Variants in KDM5B observed in about 807,000 individuals in gnomAD.
The protein encoded by KDM5B is lysine-specific demethylase 5B.
KDM5B carries 144 observed loss-of-function variants against 193.4 expected under a neutral mutation model. The observed-to-expected ratio is 0.74, with a 90% CI of 0.65 to 0.86. The LOEUF is 0.86. KDM5B is among the 40% of genes least tolerant of loss of function. The pLI, the probability that KDM5B is intolerant of heterozygous loss-of-function variation, is 0.00. For synonymous variants in KDM5B, 668 were observed against 682.6 expected, an observed-to-expected ratio of 0.98 and a Z score of 0.33; for missense variants, 1,833 against 1,886.9, an observed-to-expected ratio of 0.97 and a Z score of 0.53.
intron 18 of KDM5B, 143 bp from the exon 19 acceptor site, chr1:202,741,865 CAACT>C: frequency 1.7e-6 from 1 of 602,108 alleles, no homozygotes; most frequent in Non-Finnish European, 2.9e-6. Flanking sequence ...ACACATAAGC[CAACT>C]AACAGCAAAT....
At chr1:202,801,234 T>C (rs548672348) in intron 1 of KDM5B, among the ~76,000 whole-genome samples, 1 of 149,622 alleles carries the variant, frequency 6.7e-6, no homozygotes, top group African/African-American at 2.4e-5. Flanking sequence ...ACAAAATGAT[T>C]AGTTTTTATA....
intron 14 of KDM5B, chr1:202,746,578 C>T (rs1655569656): frequency 2.9e-6 from 1 of 343,408 alleles, no homozygotes; most frequent in African/African-American, 2.1e-5. Flanking sequence ...AGTATGAACA[C>T]CATAGGACTG....
intron 1 of KDM5B, among the ~76,000 whole-genome samples, chr1:202,785,909 TAAA>T (rs535467100): frequency 3.0e-5 from 4 of 134,134 alleles, no homozygotes; most frequent in Admixed American, 7.5e-5. Flanking sequence ...GACTCCCAAT[TAAA>T]AAAAAAAAAA....
intron 5 of KDM5B, among the ~76,000 whole-genome samples, chr1:202,764,532 G>A (rs1307934192): frequency 6.6e-6 from 1 of 152,158 alleles, no homozygotes; most frequent in East Asian, 1.9e-4. Context: ...CTACTTGGGA[G>A]GCTGAGGCAG....
chr1:202,758,314 C>T (rs1305859753), intron 9 of KDM5B, 77 bp downstream of exon 9: 2 of 1,322,600 alleles, frequency 1.5e-6, no homozygotes, highest in East Asian at 2.5e-5. Context: ...GAGGCCTCAA[C>T]TAAAAATGGG....
At chr1:202,763,211 T>C (rs996108131) in intron 6 of KDM5B, among the ~76,000 whole-genome samples, 2 of 152,206 alleles carry the variant, frequency 1.3e-5, no homozygotes, top group Non-Finnish European at 2.9e-5. Flanking sequence ...GATGACTTCC[T>C]GGTCATCCTC....
intron 4 of KDM5B, among the ~76,000 whole-genome samples, chr1:202,772,393 TA>T (rs1422641726): frequency 6.6e-6 from 1 of 152,236 alleles, no homozygotes; most frequent in Non-Finnish European, 1.5e-5. Flanking sequence ...TGTAGCATTA[TA>T]AAATCCCCTT....
chr1:202,775,309 G>A (rs780404394), intron 2 of KDM5B, among the ~76,000 whole-genome samples: 6 of 151,724 alleles, frequency 4.0e-5, no homozygotes, highest in African/African-American at 9.7e-5. Flanking sequence ...AGGCCGAGAC[G>A]GGTGAATCAC....
Position 202,729,022 on chromosome 1 carries a change from C to T in KDM5B, c.*14G>A, listed in dbSNP as rs1324263054. The T allele has an allele frequency of 3.1e-6, 5 of 1,613,750 alleles. No homozygotes were observed. Among genetic ancestry groups the T allele is most frequent in the Non-Finnish European group, 4.2e-6 (5 of 1,179,890 alleles). ...TGAATTACATTAAGTAGGGGGGTAT[C>T]TGTTTTTGTGTTTTTACTTTCGGCT... On this transcript the variant is annotated 3_prime_UTR_variant, in exon 27 of 27. Coordinates refer to ENST00000367265, the MANE Select transcript of KDM5B (RefSeq NM_006618.5).
intron 4 of KDM5B, among the ~76,000 whole-genome samples, chr1:202,769,365 G>A (rs1231187842): frequency 1.3e-5 from 2 of 148,948 alleles, no homozygotes; most frequent in African/African-American, 4.9e-5. Context: ...TAATAGTTAA[G>A]CACTTACATT....
chr1:202,739,518 G>C (rs368658193), intron 20 of KDM5B, among the ~76,000 whole-genome samples: 2 of 148,414 alleles, frequency 1.3e-5, no homozygotes, highest in Non-Finnish European at 1.5e-5. Context: ...GGTGTTTCTC[G>C]CAGAGGGGGA....
intron 1 of KDM5B, among the ~76,000 whole-genome samples, chr1:202,778,379 G>C (rs1286793738): frequency 6.6e-6 from 1 of 152,054 alleles, no homozygotes; most frequent in Non-Finnish European, 1.5e-5. Context: ...CAAGAGAACA[G>C]CTAAAGGTAT....
In KDM5B at chr1:202,774,619, A is replaced by C; in HGVS notation, c.399T>G (p.Leu133=). ...ATGGTCATTAGCTCTTTACCTTATT[A>C]AGCTGAAATAAGTCCAAGATCTTCC... is the stretch of plus-strand genomic sequence containing the variant. ...VERKILDLFQ[L]NKLVAEEGGF... is the part of the protein sequence containing the mutation. The change falls in exon 3 of 27, where the codon CTT becomes CTG. Residue 133 remains leucine (L), a synonymous_variant. Coordinates refer to ENST00000367265, the MANE Select transcript of KDM5B (RefSeq NM_006618.5). 1 of 1,609,996 alleles carries C rather than the reference A, an allele frequency of 6.2e-7. No homozygotes were observed. The highest frequency in any genetic ancestry group is 8.5e-7 in the Non-Finnish European group (1 of 1,176,482).
intron 4 of KDM5B, 190 bp from the exon 5 acceptor site, chr1:202,767,250 T>C: frequency 1.3e-6 from 2 of 1,592,876 alleles, no homozygotes; most frequent in Non-Finnish European, 1.7e-6. Flanking sequence ...GCAGTTGGTG[T>C]CTTACTACAA....
chr1:202,791,724 A>G lies in KDM5B; in HGVS notation c.205-14630T>C, dbSNP rs546557819. On this transcript the variant is annotated intron_variant, in intron 1 of 26. Coordinates refer to ENST00000367265, the MANE Select transcript of KDM5B (RefSeq NM_006618.5). ...TATGAGTTCCTTTATTTATTTTTTA[A>G]ATTTATTTATTTGAGATGGAGTCTT... Among the ~76,000 whole-genome samples the G allele has an allele frequency of 9.9e-5, 15 of 151,854 alleles. No homozygotes were observed. The East Asian group carries it at 2.7e-3, about 27-fold the overall frequency.
Position 202,733,449 on chromosome 1 carries a change from T to G in KDM5B, c.3861A>C (p.Leu1287Phe). The G allele has an allele frequency of 6.2e-7, 1 of 1,614,154 alleles. No individual in the cohort carries two copies. The highest frequency in any genetic ancestry group is 8.5e-7 in the Non-Finnish European group (1 of 1,179,990). The stretch of plus-strand genomic sequence containing the variant: ...CTGCTGAGGCTTGCCATCTGCTATA[T>G]AACAGTCCTGAGCCCACTCGATCTT... ...FVQDRVGSGL[L>F]YSRWQASAGQ... is the part of the protein sequence containing the mutation. The change falls in exon 23 of 27, where the codon TTA becomes TTC. Residue 1287 changes from leucine (L) to phenylalanine (F), a missense_variant. Coordinates refer to ENST00000367265, the MANE Select transcript of KDM5B (RefSeq NM_006618.5).
intron 2 of KDM5B, 29 bp from the exon 3 acceptor site, chr1:202,774,764 T>C (rs17497253): frequency 0.28 from 440,305 of 1,598,026 alleles, 64,084 homozygotes; most frequent in Non-Finnish European, 0.3. Flanking sequence ...AGTTTTCATC[T>C]CATTTAGCTT....
chr1:202,735,406 G>C lies in KDM5B; in HGVS notation c.3423+23C>G, dbSNP rs1250333273. On this transcript the variant is annotated intron_variant, in intron 22 of 26. Coordinates refer to ENST00000367265, the MANE Select transcript of KDM5B (RefSeq NM_006618.5). Reference sequence around the variant, plus strand: ...TTATTCTTCCCAATAACATAGAAAGGAGAAGAAAAAAACCCTACATACAGC... The same window carrying C: ...TTATTCTTCCCAATAACATAGAAAGCAGAAGAAAAAAACCCTACATACAGC... 4.4e-6 allele frequency: 7 copies of C among 1,594,756 alleles called. No homozygotes were observed. The Admixed American group carries it at 1.1e-4, about 24-fold the overall frequency.
intron 1 of KDM5B, among the ~76,000 whole-genome samples, chr1:202,795,437 AG>A (rs1481271553): frequency 1.3e-5 from 2 of 152,066 alleles, no homozygotes; most frequent in African/African-American, 4.8e-5. Flanking sequence ...AGATCATCCG[AG>A]GTCAGGAGTT....
Sources: gnomAD v4.1 joint callset for allele counts (sites outside exome capture counted in the v4.1 genomes callset) on GRCh38, gnomAD v4.1.1 for gene constraint, MANE v1.5 for transcripts, NCBI Gene and HGNC (gene_info 2026-07-23, HGNC 2026-07-21) for gene names.